The following CDK14 variants were observed in gnomAD, a reference collection of about 807,000 sequenced individuals.
CDK14 encodes the protein cyclin-dependent kinase 14.
In CDK14, 34 loss-of-function variants were observed where a neutral mutation model predicts 60.7. The ratio of observed to expected loss-of-function variants is 0.56; its 90% CI spans 0.43 to 0.75. CDK14 has a LOEUF of 0.75. Among genes scored for constraint, CDK14 ranks in the 30% least tolerant of loss-of-function variants. The pLI, the probability that CDK14 is intolerant of heterozygous loss-of-function variation, is 0.00. For synonymous variants in CDK14, 197 were observed against 203.7 expected, an observed-to-expected ratio of 0.97 and a Z score of 0.28; for missense variants, 482 against 564.1, an observed-to-expected ratio of 0.85 and a Z score of 1.47.
At chr7:90,678,052 AT>A (rs1475940509) in intron 2 of CDK14, among the ~76,000 whole-genome samples, 1 of 152,168 alleles carries the variant, frequency 6.6e-6, no homozygotes, top group Non-Finnish European at 1.5e-5. Flanking sequence ...AGTTTGAATG[AT>A]TAGGAGCAGA....
chr7:91,147,745 C>G (rs563766860), intron 14 of CDK14, among the ~76,000 whole-genome samples: 3 of 152,142 alleles, frequency 2.0e-5, no homozygotes, highest in Non-Finnish European at 2.9e-5. Context: ...CCCCCTCCCC[C>G]CCATTAAAGC....
chr7:90,939,796 A>T (rs916812699), intron 8 of CDK14, among the ~76,000 whole-genome samples: 1 of 152,040 alleles, frequency 6.6e-6, no homozygotes, highest in Non-Finnish European at 1.5e-5. Context: ...TTTAGTAGCT[A>T]AATGAGCTAT....
At chr7:91,094,468 C>T (rs1431283948) in intron 12 of CDK14, among the ~76,000 whole-genome samples, 4 of 152,168 alleles carry the variant, frequency 2.6e-5, no homozygotes, top group East Asian at 3.9e-4. Context: ...CACTTGTTCA[C>T]GGCACACGTC....
intron 5 of CDK14, among the ~76,000 whole-genome samples, chr7:90,861,362 A>G (rs1031330042): frequency 6.6e-6 from 1 of 152,192 alleles, no homozygotes; most frequent in East Asian, 1.9e-4. Context: ...TACCTTCAAG[A>G]GCATTAAGAG....
rs560867631 is a variant in CDK14 at position 90,785,648 on chromosome 7, G to A, written c.465-4925G>A. Among the ~76,000 whole-genome samples, 520 of 151,978 alleles carry A rather than the reference G, an allele frequency of 3.4e-3. 1 individual carries two copies. The highest frequency in any genetic ancestry group is 0.01 in the Middle Eastern group (3 of 294). Reference sequence around the variant, plus strand: ...AAAATACAAAAAAAATTAGCTAGGCGTGGTGGTGGGCGCCTGTAGTCCCAG... The same window carrying A: ...AAAATACAAAAAAAATTAGCTAGGCATGGTGGTGGGCGCCTGTAGTCCCAG... On this transcript the variant is annotated intron_variant, in intron 4 of 14. Transcript: ENST00000380050.
chr7:90,977,016 G>A lies in CDK14; in HGVS notation c.948-7132G>A, dbSNP rs115030872. Among the ~76,000 whole-genome samples, 908 of 152,144 alleles carry A rather than the reference G, an allele frequency of 6.0e-3. 15 individuals are homozygous for A. The highest frequency in any genetic ancestry group is 0.02 in the African/African-American group (850 of 41,510). ...CTTTTGATGTCTTATTCATGAAATCGTTTCCCAGATCAATGTCCTGTGTTT... is the reference window on the plus strand; with the variant it reads ...CTTTTGATGTCTTATTCATGAAATCATTTCCCAGATCAATGTCCTGTGTTT... On this transcript the variant is annotated intron_variant, in intron 9 of 14. Transcript: ENST00000380050.
rs998644135 is a variant in CDK14 at position 90,917,268 on chromosome 7, A to C, written c.703-333A>C. Among the ~76,000 whole-genome samples the C allele has an allele frequency of 2.0e-5, 3 of 152,074 alleles. No individual in the cohort carries two copies. In the South Asian group the frequency reaches 6.2e-4, roughly 32 times the overall value. ...ATGAATAGATTTCCTCTCCTTTCAA[A>C]CATCATTTTAGTCCTGAAGACTAAA... On this transcript the variant is annotated intron_variant, in intron 7 of 14. Coordinates refer to ENST00000380050, the MANE Select transcript of CDK14 (RefSeq NM_001287135.2).
chr7:91,067,810 G>T (rs1367584378), intron 11 of CDK14, among the ~76,000 whole-genome samples: 3 of 152,118 alleles, frequency 2.0e-5, no homozygotes, highest in Non-Finnish European at 4.4e-5. Flanking sequence ...TCTAAAAGAG[G>T]TAATTCTTAG....
At chr7:91,110,899 A>T (rs965231461) in intron 12 of CDK14, among the ~76,000 whole-genome samples, 4 of 152,150 alleles carry the variant, frequency 2.6e-5, no homozygotes, top group Non-Finnish European at 4.4e-5. Flanking sequence ...TTGATTTTTT[A>T]AAAATATGAA....
chr7:90,805,462 T>A (rs1214951536), intron 5 of CDK14, among the ~76,000 whole-genome samples: 2 of 151,914 alleles, frequency 1.3e-5, no homozygotes, highest in Non-Finnish European at 2.9e-5. Flanking sequence ...ACAGCCATAT[T>A]TGTGTATACT....
chr7:90,616,160 T>G (rs945432919), intron 2 of CDK14, among the ~76,000 whole-genome samples: 1 of 152,116 alleles, frequency 6.6e-6, no homozygotes, highest in Non-Finnish European at 1.5e-5. Flanking sequence ...AATCCAGAAA[T>G]TTTAGCCAAA....
At chr7:90,863,670 A>ATGTGTGTGTGTG (rs111580477) in intron 6 of CDK14, among the ~76,000 whole-genome samples, 296 of 145,960 alleles carry the variant, frequency 2.0e-3, no homozygotes, top group South Asian at 0.011. Context: ...TTATTAAGAT[A>ATGTGTGTGTGTG]TGTGTGTGTG....
intron 2 of CDK14, among the ~76,000 whole-genome samples, chr7:90,725,366 T>C (rs1484485852): frequency 3.3e-5 from 5 of 152,164 alleles, no homozygotes. Flanking sequence ...CATCTGTGTC[T>C]GTATTTATAT....
At chr7:90,642,894 T>TTTATTAAA (rs1800372274) in intron 2 of CDK14, among the ~76,000 whole-genome samples, 1 of 152,220 alleles carries the variant, frequency 6.6e-6, no homozygotes, top group Non-Finnish European at 1.5e-5. Flanking sequence ...ATGAAAGTTA[T>TTTATTAAA]TTATTAAATG....
At position 90,596,578 on chromosome 7, in the gene CDK14, G is replaced by C; in HGVS notation, c.-50G>C. On this transcript the variant is annotated 5_prime_UTR_variant, in exon 1 of 15. Coordinates refer to ENST00000380050, the MANE Select transcript of CDK14 (RefSeq NM_001287135.2). ...GGCGCGCGCCCTCGCCGTTGTCTGA[G>C]CTGTGCCTGGACCAGTTTGGGGAAG... 1 of 1,515,346 alleles carries C rather than the reference G, an allele frequency of 6.6e-7. No homozygotes were observed. Among genetic ancestry groups the C allele is most frequent in the Non-Finnish European group, 9.1e-7 (1 of 1,094,302 alleles). 93.9% of individuals were successfully genotyped at this position (1,515,346 alleles called of 1,614,324 possible).
intron 12 of CDK14, among the ~76,000 whole-genome samples, chr7:91,080,511 G>T (rs1351688114): frequency 6.6e-6 from 1 of 152,152 alleles, no homozygotes; most frequent in African/African-American, 2.4e-5. Context: ...CATTTGAAGA[G>T]CCAGTTCTTA....
intron 5 of CDK14, among the ~76,000 whole-genome samples, chr7:90,812,877 T>C (rs1055112456): frequency 2.0e-5 from 3 of 152,092 alleles, no homozygotes; most frequent in Admixed American, 6.6e-5. Context: ...AGGTTAAATA[T>C]TAAATTATCA....
At chr7:90,968,413 G>GTAA (rs2117617430) in intron 9 of CDK14, among the ~76,000 whole-genome samples, 1 of 152,298 alleles carries the variant, frequency 6.6e-6, no homozygotes, top group South Asian at 2.1e-4. Context: ...CAGTCGCTTA[G>GTAA]TAATTACTAA....
At chr7:91,169,260 C>A (rs1014870174) in intron 14 of CDK14, among the ~76,000 whole-genome samples, 12 of 152,182 alleles carry the variant, frequency 7.9e-5, no homozygotes, top group Admixed American at 5.2e-4. Flanking sequence ...TCTGTGGTCT[C>A]CCAGCTCCCA....
Sources: allele counts gnomAD v4.1 joint callset (sites outside exome capture counted in the v4.1 genomes callset), GRCh38; gene constraint gnomAD v4.1.1; transcripts MANE v1.5; gene names NCBI Gene and HGNC (gene_info 2026-07-23, HGNC 2026-07-21).